Variants in DPYD observed in about 807,000 individuals in gnomAD.
DPYD encodes the protein dihydropyrimidine dehydrogenase [NADP(+)].
In DPYD, 109 loss-of-function variants were observed where a neutral mutation model predicts 116.2. The ratio of observed to expected loss-of-function variants is 0.94; its 90% CI spans 0.80 to 1.10. The LOEUF (loss-of-function observed/expected upper bound fraction) is 1.10. DPYD is among the 50% of genes least tolerant of loss of function. DPYD has a pLI of 0.00. For synonymous variants in DPYD, 440 were observed against 432.0 expected, an observed-to-expected ratio of 1.02 and a Z score of -0.23; for missense variants, 1,302 against 1,254.5, an observed-to-expected ratio of 1.04 and a Z score of -0.57.
chr1:97,369,313 T>C (rs929869068), intron 16 of DPYD, among the ~76,000 whole-genome samples: 4 of 152,164 alleles, frequency 2.6e-5, no homozygotes, highest in Non-Finnish European at 4.4e-5. Context: ...AGAACCTAAG[T>C]AGTGGATTCA....
chr1:97,595,464 A>G (rs1402543298), intron 8 of DPYD, among the ~76,000 whole-genome samples: 2 of 152,010 alleles, frequency 1.3e-5, no homozygotes, highest in African/African-American at 4.8e-5. Context: ...AGGGAAAATC[A>G]GGTTATATTC....
intron 13 of DPYD, among the ~76,000 whole-genome samples, chr1:97,462,557 T>C (rs1302452612): frequency 6.6e-6 from 1 of 152,136 alleles, no homozygotes. Context: ...CTCCTCCTTT[T>C]GAAATTCAGG....
At chr1:97,127,256 G>A (rs1652921141) in intron 20 of DPYD, among the ~76,000 whole-genome samples, 1 of 152,148 alleles carries the variant, frequency 6.6e-6, no homozygotes, top group Admixed American at 6.5e-5. Flanking sequence ...GGAAACTACA[G>A]ATCAAAGCCT....
intron 2 of DPYD, among the ~76,000 whole-genome samples, chr1:97,857,991 T>C (rs1429923165): frequency 6.6e-6 from 1 of 151,962 alleles, no homozygotes; most frequent in African/African-American, 2.4e-5. Flanking sequence ...ATGATTGCTG[T>C]GTTGTATGAG....
chr1:97,752,773 G>C (rs933768598), intron 3 of DPYD, among the ~76,000 whole-genome samples: 2 of 152,136 alleles, frequency 1.3e-5, no homozygotes, highest in Non-Finnish European at 2.9e-5. Context: ...CACCCCGTGG[G>C]TTCCCTTATC....
chr1:97,524,402 C>A (rs914793098), intron 12 of DPYD, among the ~76,000 whole-genome samples: 13 of 152,026 alleles, frequency 8.6e-5, no homozygotes, highest in Non-Finnish European at 1.3e-4. Flanking sequence ...TTTTCCAAGC[C>A]CTAATTCCAT....
rs554113600 is a variant in DPYD, at chr1:97,253,285, T to C, written c.2300-18291A>G. On this transcript the variant is annotated intron_variant, in intron 18 of 22. Coordinates refer to ENST00000370192, the MANE Select transcript of DPYD (RefSeq NM_000110.4). The stretch of plus-strand genomic sequence containing the variant: ...TTGAAATCAATAGCATTTATAGACA[T>C]TGGAAAATGTCAAATGGAAAACGAA... Among the ~76,000 whole-genome samples the C allele has an allele frequency of 1.3e-4, 20 of 152,310 alleles. No homozygotes were observed. The South Asian group carries it at 3.3e-3, about 25-fold the overall frequency.
At chr1:97,119,763 A>G (rs1011992087) in intron 20 of DPYD, among the ~76,000 whole-genome samples, 1 of 151,974 alleles carries the variant, frequency 6.6e-6, no homozygotes. Context: ...ACCCTCTACC[A>G]CCTGCCATCC....
At chr1:97,886,759 TG>T (rs1279869988) in intron 1 of DPYD, among the ~76,000 whole-genome samples, 1 of 151,940 alleles carries the variant, frequency 6.6e-6, no homozygotes, top group African/African-American at 2.4e-5. Context: ...AAAATGTTCA[TG>T]TCAAACAATT....
intron 11 of DPYD, among the ~76,000 whole-genome samples, chr1:97,552,857 C>T (rs1651425302): frequency 2.0e-5 from 3 of 151,904 alleles, no homozygotes; most frequent in Admixed American, 2.0e-4. Flanking sequence ...TTAACATGTT[C>T]CTAATTTCAT....
chr1:97,476,587 G>A (rs1212350979), intron 13 of DPYD, among the ~76,000 whole-genome samples: 1 of 152,108 alleles, frequency 6.6e-6, no homozygotes, highest in African/African-American at 2.4e-5. Flanking sequence ...TGGAAAACTT[G>A]AAAGTAATTA....
rs556105369 is a variant in DPYD, at chr1:97,432,189, T to A, written c.1905+17870A>T. ...AAACATGAGGGTGCAGATATCTCTT[T>A]GATATAGTGATTTCTTTTGGATATA... On this transcript the variant is annotated intron_variant, in intron 14 of 22. Transcript: ENST00000370192. Among the ~76,000 whole-genome samples the A allele has an allele frequency of 1.3e-4, 20 of 152,264 alleles. No homozygotes were observed. In the East Asian group the frequency reaches 2.7e-3, roughly 21 times the overall value.
chr1:97,217,886 T>C lies in DPYD; in HGVS notation c.2442+16966A>G, dbSNP rs546746032. ...ATACTCGGAGGACTGAGACTCTGAA[T>C]TGTGATACTCGCTTTATCATATTAA... On this transcript the variant is annotated intron_variant, in intron 19 of 22. Coordinates refer to ENST00000370192, the MANE Select transcript of DPYD (RefSeq NM_000110.4). Among the ~76,000 whole-genome samples, 6 of 152,316 alleles carry C rather than the reference T, an allele frequency of 3.9e-5. No homozygotes were observed. The South Asian group carries it at 1.0e-3, about 26-fold the overall frequency.
intron 8 of DPYD, among the ~76,000 whole-genome samples, chr1:97,678,398 C>T (rs904844553): frequency 6.6e-6 from 1 of 152,130 alleles, no homozygotes; most frequent in African/African-American, 2.4e-5. Flanking sequence ...ATTTAACATA[C>T]TCCATTTATA....
At chr1:97,244,656 A>G (rs147634398) in intron 18 of DPYD, among the ~76,000 whole-genome samples, 25 of 152,170 alleles carry the variant, frequency 1.6e-4, no homozygotes, top group African/African-American at 5.5e-4. Context: ...GCTGGTGTGA[A>G]CTATAATCAT....
intron 8 of DPYD, among the ~76,000 whole-genome samples, chr1:97,663,426 T>C (rs1240821875): frequency 6.6e-6 from 1 of 152,198 alleles, no homozygotes; most frequent in Non-Finnish European, 1.5e-5. Context: ...TCACTAACAG[T>C]ATCTAATCAG....
intron 8 of DPYD, among the ~76,000 whole-genome samples, chr1:97,621,429 CAT>C (rs201301476): frequency 0.014 from 2,077 of 152,130 alleles, 22 homozygotes; most frequent in Middle Eastern, 0.027. Flanking sequence ...AGTATATACA[CAT>C]GTTTCATTTA....
chr1:97,259,501 T>A (rs1414185475), intron 18 of DPYD, among the ~76,000 whole-genome samples: 1 of 151,914 alleles, frequency 6.6e-6, no homozygotes, highest in Non-Finnish European at 1.5e-5. Context: ...GCCTCCTAAG[T>A]AGCTGGTACC....
intron 13 of DPYD, among the ~76,000 whole-genome samples, chr1:97,464,283 T>G (rs200052584): frequency 8.6e-6 from 1 of 116,074 alleles, no homozygotes; most frequent in Non-Finnish European, 1.9e-5. Context: ...TAAAATAAAA[T>G]AAAGAAAAGA....
Sources: gnomAD v4.1 joint callset for allele counts (sites outside exome capture counted in the v4.1 genomes callset) on GRCh38, gnomAD v4.1.1 for gene constraint, MANE v1.5 for transcripts, NCBI Gene and HGNC (gene_info 2026-07-23, HGNC 2026-07-21) for gene names.